ZGRF1: variants seen among roughly 807,000 people sequenced by gnomAD.
ZGRF1 encodes the protein 5'-3' DNA helicase ZGRF1.
Under a neutral mutation model 203.5 loss-of-function variants are expected in ZGRF1, and 196 were observed. That is an observed-to-expected ratio of 0.96 (90% CI 0.86 to 1.08). ZGRF1 has a LOEUF of 1.08. Among genes scored for constraint, ZGRF1 ranks in the 50% least tolerant of loss-of-function variants. The pLI is 0.00. For synonymous variants in ZGRF1, 809 were observed against 841.3 expected, an observed-to-expected ratio of 0.96 and a Z score of 0.66; for missense variants, 2,326 against 2,416.3, an observed-to-expected ratio of 0.96 and a Z score of 0.78.
intron 22 of ZGRF1, among the ~76,000 whole-genome samples, chr4:112,552,208 T>C (rs1277407466): frequency 1.3e-5 from 2 of 148,840 alleles, no homozygotes; most frequent in East Asian, 3.9e-4. Flanking sequence ...AACCAAGAGG[T>C]GGAGGTTGCA....
rs776518664 is a variant in ZGRF1, at chr4:112,539,705, G to A, written c.6173-16C>T. The stretch of plus-strand genomic sequence containing the variant: ...TCTTCCCTTCCTTAAAAAAACATAC[G>A]ACATGAGACAACTATTCTTTATTTT... On this transcript the variant is annotated splice_polypyrimidine_tract_variant and intron_variant, in intron 27 of 27. Transcript: ENST00000505019. 1.0e-5 allele frequency: 16 copies of A among 1,584,046 alleles called. No individual in the cohort carries two copies. Among genetic ancestry groups the A allele is most frequent in the Middle Eastern group, 1.7e-4 (1 of 5,894 alleles).
At chr4:112,627,569 G>A (rs1343103919) in intron 3 of ZGRF1, among the ~76,000 whole-genome samples, 3 of 152,024 alleles carry the variant, frequency 2.0e-5, no homozygotes, top group Non-Finnish European at 4.4e-5. Flanking sequence ...GGTGAAACCC[G>A]TCTCTACCAA....
At chr4:112,632,876 T>G (rs2047457754) in intron 2 of ZGRF1, among the ~76,000 whole-genome samples, 1 of 152,196 alleles carries the variant, frequency 6.6e-6, no homozygotes, top group South Asian at 2.1e-4. Flanking sequence ...GTCTAATACT[T>G]GATCTTAGCC....
intron 10 of ZGRF1, among the ~76,000 whole-genome samples, chr4:112,597,329 C>G (rs371529051): frequency 6.7e-6 from 1 of 150,324 alleles, no homozygotes; most frequent in Non-Finnish European, 1.5e-5. Context: ...AGTTTGAGAC[C>G]CAGAAAACAT....
At chr4:112,589,613 G>A in intron 11 of ZGRF1, 111 bp downstream of exon 11, 1 of 955,448 alleles carries the variant, frequency 1.0e-6, no homozygotes. Context: ...AGGCTTCAAG[G>A]GATATGACAC....
chr4:112,622,679 G>A (rs1456180282), intron 4 of ZGRF1, among the ~76,000 whole-genome samples: 3 of 152,116 alleles, frequency 2.0e-5, no homozygotes, highest in African/African-American at 7.2e-5. Context: ...GGGCCAGGAA[G>A]TATTTAGAAC....
intron 10 of ZGRF1, among the ~76,000 whole-genome samples, chr4:112,602,261 C>T (rs1380851862): frequency 6.6e-6 from 1 of 151,720 alleles, no homozygotes; most frequent in Non-Finnish European, 1.5e-5. Flanking sequence ...AAAGAGATGG[C>T]CAATAGGCAT....
intron 24 of ZGRF1, among the ~76,000 whole-genome samples, chr4:112,546,284 G>C (rs1442066151): frequency 6.6e-6 from 1 of 152,078 alleles, no homozygotes; most frequent in Non-Finnish European, 1.5e-5. Context: ...TGCTAAATGG[G>C]TAAGAATTTT....
At chr4:112,631,671 C>CA (rs1287410406) in intron 3 of ZGRF1, among the ~76,000 whole-genome samples, 2 of 150,990 alleles carry the variant, frequency 1.3e-5, no homozygotes, top group Non-Finnish European at 1.5e-5. Context: ...GACTCTGTCT[C>CA]AAAAAAAATA....
chr4:112,630,243 C>T (rs1258789413), intron 3 of ZGRF1, among the ~76,000 whole-genome samples: 5 of 152,038 alleles, frequency 3.3e-5, no homozygotes, highest in Non-Finnish European at 5.9e-5. Flanking sequence ...TCAGGCCAGG[C>T]GCAGTGGCTC....
intron 3 of ZGRF1, among the ~76,000 whole-genome samples, chr4:112,624,434 G>C (rs2047162755): frequency 6.6e-6 from 1 of 151,802 alleles, no homozygotes; most frequent in South Asian, 2.1e-4. Flanking sequence ...TCCAGCCTAG[G>C]CAACAGAGTG....
At chr4:112,565,119 TG>T in intron 16 of ZGRF1, 1 of 1,395,888 alleles carries the variant, frequency 7.2e-7, no homozygotes, top group Non-Finnish European at 1.0e-6. Flanking sequence ...GTTACAGGCC[TG>T]GTACTGTGGC....
chr4:112,587,338 T>C lies in ZGRF1; in HGVS notation c.3719A>G (p.Glu1240Gly). Residue 1240 changes from glutamate to glycine, a missense_variant, in exon 12 of 28, where the codon GAA becomes GGA. Coordinates refer to ENST00000505019, the MANE Select transcript of ZGRF1 (RefSeq NM_018392.5). ...AGACCCTCCTAATACATTTTTAATT[T>C]CCTCTGTCTTAGAAGTCTGCTTTAA... ...LNLKQTSKTE[E>G]IKNVLGGSTC... is the part of the protein sequence containing the mutation. The C allele has an allele frequency of 1.2e-6, 2 of 1,613,636 alleles. No individual in the cohort carries two copies. Among genetic ancestry groups the C allele is most frequent in the Non-Finnish European group, 1.7e-6 (2 of 1,179,742 alleles).
At chr4:112,614,154 C>A (rs2046785690) in intron 6 of ZGRF1, among the ~76,000 whole-genome samples, 1 of 151,364 alleles carries the variant, frequency 6.6e-6, no homozygotes, top group Non-Finnish European at 1.5e-5. Context: ...ATTTCTTCTT[C>A]TCTAATTTTG....
intron 24 of ZGRF1, among the ~76,000 whole-genome samples, chr4:112,543,203 CAT>C (rs551099805): frequency 1.5e-4 from 23 of 152,160 alleles, no homozygotes; most frequent in Admixed American, 1.0e-3. Context: ...TAAAATATGA[CAT>C]ATATAGCTAA....
intron 18 of ZGRF1, among the ~76,000 whole-genome samples, chr4:112,561,911 CTTT>C (rs11385405): frequency 9.2e-6 from 1 of 108,194 alleles, no homozygotes; most frequent in Non-Finnish European, 1.8e-5. Context: ...TTCCTTTTCT[CTTT>C]TTTTTTTTTT....
At chr4:112,623,140 G>A (rs1254908169) in intron 4 of ZGRF1, among the ~76,000 whole-genome samples, 2 of 152,130 alleles carry the variant, frequency 1.3e-5, no homozygotes, top group African/African-American at 4.8e-5. Context: ...GTTTGCTAAG[G>A]ATAATGACCT....
chr4:112,622,495 G>A (rs2047093339), intron 4 of ZGRF1, among the ~76,000 whole-genome samples: 1 of 147,916 alleles, frequency 6.8e-6, no homozygotes, highest in Non-Finnish European at 1.5e-5. Context: ...ACTCCAGCCT[G>A]GGCAACAGAG....
chr4:112,569,988 T>C (rs1282445381), intron 16 of ZGRF1, among the ~76,000 whole-genome samples: 1 of 152,058 alleles, frequency 6.6e-6, no homozygotes, highest in African/African-American at 2.4e-5. Context: ...AAGTTAATAA[T>C]TTAAAACATA....
Sources: gnomAD v4.1 joint callset for allele counts (sites outside exome capture counted in the v4.1 genomes callset) on GRCh38, gnomAD v4.1.1 for gene constraint, MANE v1.5 for transcripts, NCBI Gene and HGNC (gene_info 2026-07-23, HGNC 2026-07-21) for gene names.